Variants in SYNCRIP observed in about 807,000 individuals in gnomAD.
SYNCRIP encodes heterogeneous nuclear ribonucleoprotein Q.
In SYNCRIP, 9 loss-of-function variants were observed where a neutral mutation model predicts 68.9. That is an observed-to-expected ratio of 0.13 (90% CI 0.08 to 0.23). The LOEUF (loss-of-function observed/expected upper bound fraction) is 0.23. SYNCRIP is among the 10% of genes least tolerant of loss of function. SYNCRIP has a pLI of 1.00. For missense variants in SYNCRIP, 414 were observed against 770.6 expected (o/e 0.54, Z 5.48); for synonymous variants, 258 against 254.0 (o/e 1.02, Z -0.15).
rs1554184894 is a variant in SYNCRIP at position 85,623,579 on chromosome 6, A to AAAAAAAAACAAAAAAAAAAAAC, written c.802+397_802+398insGTTTTTTTTTTTTGTTTTTTTT. 2.5e-4 allele frequency among the ~76,000 whole-genome samples: 32 copies of AAAAAAAAACAAAAAAAAAAAAC among 125,860 alleles called. 1 individual carries two copies. The highest frequency in any genetic ancestry group is 5.1e-4 in the South Asian group (2 of 3,956). The allele number at this position is 125,860 out of a possible 152,430, so 82.6% of individuals were successfully genotyped here. A position where few individuals can be genotyped will look rare whatever the true frequency, so the allele number is the denominator to read the frequency against. ...ACTGTCTCCAAAAAAAAAAAAAAAA[A>AAAAAAAAACAAAAAAAAAAAAC]AAAACACTCTGCTACGGCAATACTT... is the stretch of plus-strand genomic sequence containing the variant. On this transcript the variant is annotated intron_variant, in intron 7 of 10. Coordinates refer to ENST00000369622, the MANE Select transcript of SYNCRIP (RefSeq NM_006372.5).
At chr6:85,615,980 G>A (rs1489416893) in intron 10 of SYNCRIP, among the ~76,000 whole-genome samples, 4 of 152,168 alleles carry the variant, frequency 2.6e-5, no homozygotes, top group Admixed American at 1.3e-4. Flanking sequence ...AAGTTTTCCT[G>A]TTTCTACAAT....
chr6:85,614,490 G>A lies in SYNCRIP; in HGVS notation c.*266C>T. The A allele has an allele frequency of 8.7e-7, 1 of 1,154,418 alleles. No homozygotes were observed. Among genetic ancestry groups the A allele is most frequent in the African/African-American group, 1.6e-5 (1 of 62,412 alleles). 71.5% of individuals were successfully genotyped at this position (1,154,418 alleles called of 1,614,324 possible). A position where few individuals can be genotyped will look rare whatever the true frequency, so the allele number is the denominator to read the frequency against. On this transcript the variant is annotated 3_prime_UTR_variant, in exon 11 of 11. Transcript: ENST00000369622. The stretch of plus-strand genomic sequence containing the variant: ...TGACACTACAGCCAAATGGACTTGA[G>A]CCAAATTTTCTCAAGCACAAATGCA...
chr6:85,637,691 G>C (rs956191152), intron 4 of SYNCRIP, among the ~76,000 whole-genome samples: 2 of 152,136 alleles, frequency 1.3e-5, no homozygotes, highest in Non-Finnish European at 2.9e-5. Flanking sequence ...CTTAAAAAAT[G>C]ATTGTACCTA....
intron 1 of SYNCRIP, among the ~76,000 whole-genome samples, chr6:85,642,210 G>GC (rs1809260288): frequency 6.6e-6 from 1 of 151,864 alleles, no homozygotes; most frequent in Admixed American, 6.6e-5. Flanking sequence ...GGCTCTCCCC[G>GC]CCCCCCAGCG....
chr6:85,613,912 AT>A (rs1177715483), downstream of SYNCRIP: 2 of 947,032 alleles, frequency 2.1e-6, no homozygotes, highest in Non-Finnish European at 2.5e-6. Context: ...GACTACCTGA[AT>A]TTGTCCTTTT....
chr6:85,613,584 C>T (rs995579502), downstream of SYNCRIP, among the ~76,000 whole-genome samples: 2 of 152,070 alleles, frequency 1.3e-5, no homozygotes, highest in Admixed American at 6.6e-5. Flanking sequence ...AAACAAAAAT[C>T]CAAACTATTA....
At chr6:85,619,217 T>C (rs1806114075) in intron 9 of SYNCRIP, 51 bp downstream of exon 9, 2 of 1,591,122 alleles carry the variant, frequency 1.3e-6, no homozygotes, top group African/African-American at 2.7e-5. Flanking sequence ...GATTCTAAAA[T>C]GACTAAATTT....
chr6:85,624,026 A>C lies in SYNCRIP; in HGVS notation c.753T>G (p.Pro251=). Reference sequence around the variant, plus strand: ...GAATCTGTTCCTTGGTTTTACTCTTAGGAATAGAGCCCACAAAAAGCCTAT... The same window carrying C: ...GAATCTGTTCCTTGGTTTTACTCTTCGGAATAGAGCCCACAAAAAGCCTAT... ...ANNRLFVGSI[P]KSKTKEQILE... Residue 251 remains proline, a synonymous_variant, in exon 7 of 11, where the codon CCT becomes CCG. Transcript: ENST00000369622. The C allele has an allele frequency of 6.2e-7, 1 of 1,613,968 alleles. No individual in the cohort carries two copies. The highest frequency in any genetic ancestry group is 2.2e-5 in the East Asian group (1 of 44,828).
intron 6 of SYNCRIP, among the ~76,000 whole-genome samples, chr6:85,630,885 A>G (rs1807694373): frequency 6.6e-6 from 1 of 152,250 alleles, no homozygotes; most frequent in South Asian, 2.1e-4. Flanking sequence ...TTACAAGCTC[A>G]TCCAAGCAAA....
chr6:85,615,309 G>T lies in SYNCRIP; in HGVS notation c.1319C>A (p.Pro440His), dbSNP rs1185865717. The T allele has an allele frequency of 2.6e-6, 4 of 1,558,104 alleles. No homozygotes were observed. ...DYYYYGPPHM[P>H]PPTRGRGRGG... ...ACGCCCTCGACCTCTTGTTGGAGGG[G>T]GCATATGAGGTGGACCATAATAGTA... The change falls in exon 11 of 11, where the codon CCC (proline) becomes CAC (histidine). Residue 440 changes from proline (P) to histidine (H), a missense_variant. By Grantham distance (77) the Pro-to-His change is moderately conservative. Around this residue, in one of 6 missense-constraint regions of SYNCRIP, gnomAD observed 72 missense variants for 119.8 expected, o/e 0.60. Transcript: ENST00000369622.
Position 85,614,684 on chromosome 6 carries a change from G to C in SYNCRIP, c.*72C>G. On this transcript the variant is annotated 3_prime_UTR_variant, in exon 11 of 11. Transcript: ENST00000369622. ...TTGCCAGATGTCACAAATTATAGCG[G>C]CACCCGTTCAGATTTAGGGTGAGTT... 1 of 1,473,312 alleles carries C rather than the reference G, an allele frequency of 6.8e-7. No homozygotes were observed. Among genetic ancestry groups the C allele is most frequent in the Non-Finnish European group, 9.0e-7 (1 of 1,112,138 alleles). The allele number at this position is 1,473,312 out of a possible 1,614,324, so 91.3% of individuals were successfully genotyped here. A position where few individuals can be genotyped will look rare whatever the true frequency, so the allele number is the denominator to read the frequency against.
chr6:85,626,558 G>C (rs1807055740), intron 6 of SYNCRIP, among the ~76,000 whole-genome samples: 1 of 152,062 alleles, frequency 6.6e-6, no homozygotes. Flanking sequence ...ACAGAAACTT[G>C]AATTCTTAGT....
At chr6:85,623,141 C>T (rs1483248482) in intron 7 of SYNCRIP, among the ~76,000 whole-genome samples, 1 of 152,046 alleles carries the variant, frequency 6.6e-6, no homozygotes, top group Non-Finnish European at 1.5e-5. Flanking sequence ...TTCCAATGTC[C>T]TGAAAGTTGA....
At chr6:85,622,733 C>A (rs1260054220) in intron 7 of SYNCRIP, 46 bp from the exon 8 acceptor site, 1 of 1,456,140 alleles carries the variant, frequency 6.9e-7, no homozygotes, top group African/African-American at 1.4e-5. Context: ...AAATAACTAG[C>A]AAATACAAGT....
intron 10 of SYNCRIP, among the ~76,000 whole-genome samples, chr6:85,616,828 A>G (rs1217478892): frequency 1.3e-5 from 2 of 152,038 alleles, no homozygotes; most frequent in African/African-American, 4.8e-5. Flanking sequence ...TTTTGCCACC[A>G]CCTCTTTCCA....
chr6:85,611,631 C>A (rs1271381534), downstream of SYNCRIP: 1 of 152,234 alleles, frequency 6.6e-6, no homozygotes, highest in Non-Finnish European at 1.5e-5. Flanking sequence ...GAGGGTGGTT[C>A]AATAGAGGAT....
chr6:85,631,589 G>C (rs752746096), intron 6 of SYNCRIP, among the ~76,000 whole-genome samples: 1 of 152,124 alleles, frequency 6.6e-6, no homozygotes, highest in African/African-American at 2.4e-5. Context: ...GACTAACTAG[G>C]GTAGTAGCAG....
rs931692330 is a variant in SYNCRIP, at chr6:85,614,006, T to C, written c.*750A>G. On this transcript the variant is annotated 3_prime_UTR_variant, in exon 11 of 11. Transcript: ENST00000369622. ...ACATGTATTATCTTTTTATTTTTGATGGGAACATGAAGTCTGTTGTAAAAT... is the reference window on the plus strand; with the variant it reads ...ACATGTATTATCTTTTTATTTTTGACGGGAACATGAAGTCTGTTGTAAAAT... 1 of 984,874 alleles carries C rather than the reference T, an allele frequency of 1.0e-6. No individual in the cohort carries two copies. Among genetic ancestry groups the C allele is most frequent in the African/African-American group, 1.7e-5 (1 of 57,228 alleles). The allele number at this position is 984,874 out of a possible 1,614,324, so 61.0% of individuals were successfully genotyped here. A position where few individuals can be genotyped will look rare whatever the true frequency, so the allele number is the denominator to read the frequency against.
intron 2 of SYNCRIP, 67 bp from the exon 3 acceptor site, chr6:85,640,631 G>C (rs1358518708): frequency 4.3e-6 from 4 of 937,356 alleles, no homozygotes; most frequent in Non-Finnish European, 6.4e-6. Flanking sequence ...AGACTATGTT[G>C]GCAATACAGG....
Sources: gnomAD v4.1 joint callset for allele counts (sites outside exome capture counted in the v4.1 genomes callset) on GRCh38, gnomAD v4.1.1 for gene constraint, gnomAD v4.1.1 regional missense constraint, MANE v1.5 for transcripts, NCBI Gene and HGNC (gene_info 2026-07-23, HGNC 2026-07-21) for gene names.